The following SPEN variants were observed in gnomAD, a reference collection of about 807,000 sequenced individuals.
SPEN encodes the protein spen family transcriptional repressor.
Under a neutral mutation model 269.9 loss-of-function variants are expected in SPEN, and 18 were observed. The observed-to-expected ratio is 0.07, with a 90% confidence interval of 0.05 to 0.10. SPEN has a LOEUF of 0.10. SPEN is among the 10% of genes least tolerant of loss of function. SPEN has a pLI of 1.00. For synonymous variants in SPEN, 1,726 were observed against 1,765.7 expected, an observed-to-expected ratio of 0.98 and a Z score of 0.56; for missense variants, 3,822 against 4,631.2, an observed-to-expected ratio of 0.83 and a Z score of 5.07.
chr1:15,872,622 A>G (rs894238160), intron 1 of SPEN, among the ~76,000 whole-genome samples, 194 bp from the exon 2 acceptor site: 1 of 151,388 alleles, frequency 6.6e-6, no homozygotes, highest in Admixed American at 6.6e-5. Context: ...AAAAGAAATG[A>G]GAGTAATGTA....
At chr1:15,855,197 G>A (rs1213646880) in intron 1 of SPEN, among the ~76,000 whole-genome samples, 1 of 152,168 alleles carries the variant, frequency 6.6e-6, no homozygotes, top group Non-Finnish European at 1.5e-5. Flanking sequence ...AGCCTTAAAT[G>A]CAAGGGTTGC....
At chr1:15,895,926 C>T (rs1039448001) in intron 3 of SPEN, among the ~76,000 whole-genome samples, 1 of 151,904 alleles carries the variant, frequency 6.6e-6, no homozygotes, top group African/African-American at 2.4e-5. Flanking sequence ...TCAGGTGATC[C>T]ACCTGTCTCG....
intron 3 of SPEN, among the ~76,000 whole-genome samples, chr1:15,889,190 T>G (rs1219028121): frequency 5.9e-5 from 6 of 101,576 alleles, no homozygotes; most frequent in Non-Finnish European, 1.1e-4. Flanking sequence ...TGAGACGGGG[T>G]TTTTTGCTTT....
In SPEN at chr1:15,863,676, A is replaced by G. The variant is rs748958828; in HGVS notation, c.84-9140A>G. On this transcript the variant is annotated intron_variant, in intron 1 of 14. Transcript: ENST00000375759. ...GGCAACATGTTGAGACCTCATCTCT[A>G]TGGAAAACAAAAACATCAGCTGGGT... Among the ~76,000 whole-genome samples the G allele has an allele frequency of 3.9e-5, 6 of 151,968 alleles. No homozygotes were observed. The South Asian group carries it at 1.0e-3, about 26-fold the overall frequency.
intron 1 of SPEN, among the ~76,000 whole-genome samples, chr1:15,857,646 C>T (rs61782221): frequency 6.6e-6 from 1 of 151,538 alleles, no homozygotes; most frequent in East Asian, 1.9e-4. Flanking sequence ...CGTGAGCCAC[C>T]GTGCCCGGCC....
chr1:15,867,857 G>A (rs1490601122), intron 1 of SPEN, among the ~76,000 whole-genome samples: 4 of 151,434 alleles, frequency 2.6e-5, no homozygotes, highest in Admixed American at 1.3e-4. Flanking sequence ...CTCTGTATCC[G>A]TATATGTGCT....
At position 15,860,609 on chromosome 1, in the gene SPEN, CTTTT is replaced by C. The variant is rs368279811; in HGVS notation, c.84-12198_84-12195del. Among the ~76,000 whole-genome samples, 62 of 143,684 alleles carry C rather than the reference CTTTT, an allele frequency of 4.3e-4. No individual in the cohort carries two copies. The South Asian group carries it at 0.013, about 31-fold the overall frequency. 94.3% of individuals were successfully genotyped at this position (143,684 alleles called of 152,430 possible). On this transcript the variant is annotated intron_variant, in intron 1 of 14. Coordinates refer to ENST00000375759, the MANE Select transcript of SPEN (RefSeq NM_015001.3). Reference sequence around the variant, plus strand: ...GGTGTGTGAGTCTGGCTATTAGTGACTTTTTTTTTTTTGAGATGGAGTCTTGCTC... The same window carrying C: ...GGTGTGTGAGTCTGGCTATTAGTGACTTTTTTTTGAGATGGAGTCTTGCTC...
chr1:15,922,498 AAC>A (rs2071129002), intron 10 of SPEN, 149 bp downstream of exon 10: 1 of 579,344 alleles, frequency 1.7e-6, no homozygotes, highest in Admixed American at 3.8e-5. Context: ...TTCATATGGA[AAC>A]ACAGGTTTAT....
chr1:15,930,644 C>G lies in SPEN; in HGVS notation c.4404C>G (p.Asp1468Glu). 1 of 1,614,128 alleles carries G rather than the reference C, an allele frequency of 6.2e-7. No individual in the cohort carries two copies. The highest frequency in any genetic ancestry group is 8.5e-7 in the Non-Finnish European group (1 of 1,180,018). ...REENWSFLDW[D>E]SRFANFRNNK... ...AAAATTGGTCTTTTCTTGATTGGGA[C>G]TCCCGATTTGCAAATTTTCGAAACA... The change falls in exon 11 of 15, where the codon GAC becomes GAG. Residue 1468 changes from aspartate to glutamate, a missense_variant. Around this residue, in one of 16 missense-constraint regions of SPEN, gnomAD observed 267 missense variants for 315.5 expected, o/e 0.85. Transcript: ENST00000375759. This position sits in a 1 kb window ranked among gnomAD's most constrained non-coding sequence, Gnocchi z 5.3.
At chr1:15,917,908 C>G (rs1010603193) in intron 6 of SPEN, 1 of 152,346 alleles carries the variant, frequency 6.6e-6, no homozygotes, top group Non-Finnish European at 1.5e-5. Flanking sequence ...GCACTGGAAG[C>G]CCTGGTAGTT....
rs140203829 is a variant in SPEN at position 15,929,843 on chromosome 1, A to G, written c.3603A>G (p.Glu1201=). Residue 1201 remains glutamate, a synonymous_variant, in exon 11 of 15, where the codon GAA becomes GAG. Coordinates refer to ENST00000375759, the MANE Select transcript of SPEN (RefSeq NM_015001.3). This position sits in a 1 kb window ranked among gnomAD's most constrained non-coding sequence, Gnocchi z 5.8. The stretch of plus-strand genomic sequence containing the variant: ...GCAGTCCTAAAAAAGATGTAGATGA[A>G]TATGAAAGACGTAGCCTCGTTCACG... The part of the protein sequence containing the change: ...KFGSPKKDVD[E]YERRSLVHEV... The G allele has an allele frequency of 3.1e-6, 5 of 1,614,064 alleles. No individual in the cohort carries two copies. The African/African-American group carries it at 5.3e-5, about 17-fold the overall frequency.
In SPEN at chr1:15,876,327, C is replaced by G. The variant is rs775165572; in HGVS notation, c.530C>G (p.Thr177Ser). The G allele has an allele frequency of 4.2e-5, 67 of 1,613,934 alleles. No individual in the cohort carries two copies. The highest frequency in any genetic ancestry group is 1.2e-4 in the Admixed American group (7 of 59,964). ...TACTATAGAGATCCTCGAGAGCGGA[C>G]TTTACAACATGGGCTCTATTACGCT... The part of the protein sequence containing the change: ...QDYYRDPRER[T>S]LQHGLYYASR... The change falls in exon 3 of 15, where the codon ACT becomes AGT. Residue 177 changes from threonine to serine, a missense_variant. Around this residue, in one of 16 missense-constraint regions of SPEN, gnomAD observed 327 missense variants for 350.8 expected, o/e 0.93. Coordinates refer to ENST00000375759, the MANE Select transcript of SPEN (RefSeq NM_015001.3).
chr1:15,901,799 G>A lies in SPEN; in HGVS notation c.882-7522G>A, dbSNP rs1368700622. Among the ~76,000 whole-genome samples, 42 of 151,706 alleles carry A rather than the reference G, an allele frequency of 2.8e-4. 2 individuals carry two copies. The highest frequency in any genetic ancestry group is 1.0e-4 in the Non-Finnish European group (7 of 67,974). On this transcript the variant is annotated intron_variant, in intron 3 of 14. Coordinates refer to ENST00000375759, the MANE Select transcript of SPEN (RefSeq NM_015001.3). ...CTTGACTTTACATTTTAAAATTATTGGGCTTTCATTTATTGTGGACAGTAT... is the reference window on the plus strand; with the variant it reads ...CTTGACTTTACATTTTAAAATTATTAGGCTTTCATTTATTGTGGACAGTAT...
chr1:15,928,565 G>A lies in SPEN; in HGVS notation c.2325G>A (p.Glu775=), dbSNP rs1473009208. Residue 775 remains glutamate, a synonymous_variant, in exon 11 of 15, where the codon GAG becomes GAA. Coordinates refer to ENST00000375759, the MANE Select transcript of SPEN (RefSeq NM_015001.3). The surrounding 1 kb of genome is among the most constrained non-coding windows in gnomAD (Gnocchi z 5.7). ...SCSSLSPPRY[E]KLDKSRLERY... ...GCTCACTCTCCCCTCCAAGATATGA[G>A]AAACTGGACAAGTCTCGTTTGGAGC... The A allele has an allele frequency of 1.2e-6, 2 of 1,614,100 alleles. No homozygotes were observed. Among genetic ancestry groups the A allele is most frequent in the South Asian group, 1.1e-5 (1 of 91,072 alleles).
intron 13 of SPEN, among the ~76,000 whole-genome samples, chr1:15,938,218 C>T (rs1195516780): frequency 6.6e-6 from 1 of 152,224 alleles, no homozygotes; most frequent in African/African-American, 2.4e-5. Context: ...ATTCTCTTGC[C>T]TCAGCCTCCT....
intron 8 of SPEN, among the ~76,000 whole-genome samples, chr1:15,920,358 G>C (rs1453765074): frequency 1.3e-5 from 2 of 152,000 alleles, no homozygotes; most frequent in Non-Finnish European, 2.9e-5. Flanking sequence ...CACTGCGCCT[G>C]GCAGACAATA....
At chr1:15,882,614 C>G (rs563011564) in intron 3 of SPEN, among the ~76,000 whole-genome samples, 41 of 152,198 alleles carry the variant, frequency 2.7e-4, no homozygotes, top group African/African-American at 9.4e-4. Context: ...GAGCCAAGAT[C>G]GTACCACTGC....
At chr1:15,862,293 A>G (rs2070456305) in intron 1 of SPEN, among the ~76,000 whole-genome samples, 2 of 152,196 alleles carry the variant, frequency 1.3e-5, no homozygotes, top group African/African-American at 4.8e-5. Flanking sequence ...TCTATTTACA[A>G]TTATACTTCA....
At position 15,928,351 on chromosome 1, in the gene SPEN, G is replaced by T; in HGVS notation, c.2111G>T (p.Arg704Ile). 6.2e-7 allele frequency: 1 copy of T among 1,614,220 alleles called. No homozygotes were observed. Among genetic ancestry groups the T allele is most frequent in the Non-Finnish European group, 8.5e-7 (1 of 1,180,042 alleles). ...AGTTACAGGCAAAGGGAACGAGAAA[G>T]AGAACGTGAAAGATTTGAGTCTGAC... ...EYSYRQRERE[R>I]ERERFESDRD... is the part of the protein sequence containing the mutation. The change falls in exon 11 of 15, where the codon AGA (arginine) becomes ATA (isoleucine). Residue 704 changes from arginine (R) to isoleucine (I), a missense_variant. Around this residue, in one of 16 missense-constraint regions of SPEN, gnomAD observed 572 missense variants for 582.6 expected, o/e 0.98. Transcript: ENST00000375759. The surrounding 1 kb of genome is among the most constrained non-coding windows in gnomAD (Gnocchi z 5.7).
Sources: gnomAD v4.1 joint callset for allele counts (sites outside exome capture counted in the v4.1 genomes callset) on GRCh38, gnomAD v4.1.1 for gene constraint, gnomAD v4.1.1 regional missense constraint, Gnocchi (gnomAD v3.1) non-coding constraint, MANE v1.5 for transcripts, NCBI Gene and HGNC (gene_info 2026-07-23, HGNC 2026-07-21) for gene names.